Variants in ALCAM observed in about 807,000 individuals in gnomAD.
ALCAM encodes the protein activated leukocyte cell adhesion molecule, also known as CD166 antigen.
Under a neutral mutation model 70.9 loss-of-function variants are expected in ALCAM, and 30 were observed. The observed-to-expected ratio is 0.42, with a 90% CI of 0.32 to 0.57. ALCAM has a LOEUF of 0.57. ALCAM is among the 20% of genes least tolerant of loss of function. The probability of loss-of-function intolerance (pLI) is 0.11; values close to 1 mark genes in which losing one functional copy is unlikely to be tolerated. For missense variants in ALCAM, 591 were observed against 695.1 expected, an observed-to-expected ratio of 0.85 and a Z score of 1.68; for synonymous variants, 249 against 242.5, an observed-to-expected ratio of 1.03 and a Z score of -0.25.
intron 1 of ALCAM, among the ~76,000 whole-genome samples, chr3:105,511,471 G>T (rs535021708): frequency 2.0e-5 from 3 of 152,052 alleles, no homozygotes; most frequent in Admixed American, 2.0e-4. Context: ...ATAGTAAGCT[G>T]ACTTCAGTTC....
intron 1 of ALCAM, among the ~76,000 whole-genome samples, chr3:105,377,533 A>G (rs773381999): frequency 4.6e-5 from 7 of 152,076 alleles, no homozygotes; most frequent in Non-Finnish European, 8.8e-5. Flanking sequence ...CAGTATCATA[A>G]GTTGGTTTTC....
At chr3:105,567,174 T>C (rs1335104611) in intron 14 of ALCAM, among the ~76,000 whole-genome samples, 2 of 152,220 alleles carry the variant, frequency 1.3e-5, no homozygotes, top group Admixed American at 6.5e-5. Context: ...CAAACATTTC[T>C]TTTTATATTT....
intron 1 of ALCAM, among the ~76,000 whole-genome samples, chr3:105,417,943 C>CT (rs78382547): frequency 0.15 from 22,198 of 149,850 alleles, 1,716 homozygotes; most frequent in Middle Eastern, 0.19. Flanking sequence ...AATGAATATT[C>CT]TTTTTTTTTG....
At chr3:105,402,938 C>CTTTTTTTTTTTTTTTTTTTTTTTTTT (rs58126212) in intron 1 of ALCAM, among the ~76,000 whole-genome samples, 1 of 117,254 alleles carries the variant, frequency 8.5e-6, no homozygotes, top group Non-Finnish European at 1.8e-5. Flanking sequence ...AGCTGATGCG[C>CTTTTTTTTTTTTTTTTTTTTTTTTTT]TTTTTTTTTT....
intron 1 of ALCAM, among the ~76,000 whole-genome samples, chr3:105,434,443 ATC>A (rs1010603239): frequency 2.6e-4 from 39 of 152,186 alleles, no homozygotes; most frequent in African/African-American, 8.9e-4. Context: ...CTTTGCTAAC[ATC>A]TGTTTCTTTT....
chr3:105,417,077 T>A (rs1936523954), intron 1 of ALCAM, among the ~76,000 whole-genome samples: 1 of 151,950 alleles, frequency 6.6e-6, no homozygotes, highest in Non-Finnish European at 1.5e-5. Flanking sequence ...ATCACCTTTG[T>A]ACTCAAGCTT....
At position 105,520,177 on chromosome 3, in the gene ALCAM, A is replaced by G. The variant is rs755143469; in HGVS notation, c.174+10A>G. 6.3e-7 allele frequency: 1 copy of G among 1,580,262 alleles called. No homozygotes were observed. Among genetic ancestry groups the G allele is most frequent in the South Asian group, 1.1e-5 (1 of 90,122 alleles). Reference sequence around the variant, plus strand: ...TGGCAAATGGAAATATGTAAGTGTGACCTACCTGGGACTTGGTTAATTGCC... The same window carrying G: ...TGGCAAATGGAAATATGTAAGTGTGGCCTACCTGGGACTTGGTTAATTGCC... On this transcript the variant is annotated intron_variant, in intron 2 of 15. Coordinates refer to ENST00000306107, the MANE Select transcript of ALCAM (RefSeq NM_001627.4).
intron 14 of ALCAM, among the ~76,000 whole-genome samples, chr3:105,562,778 C>A (rs973653042): frequency 4.6e-5 from 7 of 152,088 alleles, no homozygotes; most frequent in Non-Finnish European, 1.0e-4. Context: ...TGCTTCAAAA[C>A]AAAATGTAAA....
chr3:105,458,339 C>T (rs1937561382), intron 1 of ALCAM, among the ~76,000 whole-genome samples: 1 of 152,154 alleles, frequency 6.6e-6, no homozygotes, highest in Non-Finnish European at 1.5e-5. Flanking sequence ...ACTTTCCTGT[C>T]AATGGAACTG....
At chr3:105,502,005 CATTGAAA>C (rs2152616393) in intron 1 of ALCAM, among the ~76,000 whole-genome samples, 1 of 152,284 alleles carries the variant, frequency 6.6e-6, no homozygotes, top group East Asian at 1.9e-4. Flanking sequence ...CTAAAATATT[CATTGAAA>C]ACTCCAACAG....
Position 105,393,058 on chromosome 3 carries a change from T to A in ALCAM, c.73+25577T>A, listed in dbSNP as rs375756004. Among the ~76,000 whole-genome samples the A allele has an allele frequency of 1.3e-4, 19 of 151,994 alleles. No individual in the cohort carries two copies. The East Asian group carries it at 2.7e-3, about 22-fold the overall frequency. Reference sequence around the variant, plus strand: ...TTATAGTTCCTATGAAACTTTAGGATAACAGTTGTGCTCATTTTTATGTGT... The same window carrying A: ...TTATAGTTCCTATGAAACTTTAGGAAAACAGTTGTGCTCATTTTTATGTGT... On this transcript the variant is annotated intron_variant, in intron 1 of 15. Transcript: ENST00000306107.
intron 1 of ALCAM, among the ~76,000 whole-genome samples, chr3:105,411,751 A>G (rs1231291768): frequency 6.6e-6 from 1 of 152,060 alleles, no homozygotes; most frequent in African/African-American, 2.4e-5. Context: ...TCCAGCCTAA[A>G]AGACAACAGA....
intron 1 of ALCAM, among the ~76,000 whole-genome samples, chr3:105,457,946 C>T (rs190287887): frequency 6.6e-6 from 1 of 152,260 alleles, no homozygotes; most frequent in Non-Finnish European, 1.5e-5. Flanking sequence ...TTACCTTTCT[C>T]CTCCATAGTG....
At chr3:105,375,583 C>T (rs1226063115) in intron 1 of ALCAM, among the ~76,000 whole-genome samples, 1 of 152,166 alleles carries the variant, frequency 6.6e-6, no homozygotes, top group Non-Finnish European at 1.5e-5. Flanking sequence ...AAATTGACCT[C>T]AGATGCCAAG....
intron 1 of ALCAM, among the ~76,000 whole-genome samples, chr3:105,486,542 A>G (rs186829052): frequency 1.3e-5 from 2 of 152,296 alleles, no homozygotes; most frequent in Admixed American, 1.3e-4. Flanking sequence ...CCATATTAGA[A>G]GGAATTAGCT....
At position 105,536,588 on chromosome 3, in the gene ALCAM, A is replaced by T. The variant is rs966536300; in HGVS notation, c.730+1743A>T. 7.9e-5 allele frequency among the ~76,000 whole-genome samples: 12 copies of T among 152,240 alleles called. No individual in the cohort carries two copies. The South Asian group carries it at 2.5e-3, about 32-fold the overall frequency. On this transcript the variant is annotated intron_variant, in intron 6 of 15. Transcript: ENST00000306107. ...GAAGTTCTTGAATGGATACGAAGAAAATGATTTTATCATGCTGGCTGTGTA... is the reference window on the plus strand; with the variant it reads ...GAAGTTCTTGAATGGATACGAAGAATATGATTTTATCATGCTGGCTGTGTA...
chr3:105,472,210 A>G (rs1205026761), intron 1 of ALCAM, among the ~76,000 whole-genome samples: 2 of 151,046 alleles, frequency 1.3e-5, no homozygotes, highest in Admixed American at 1.3e-4. Flanking sequence ...TTGTTTTTTT[A>G]GGCAGTGCTA....
chr3:105,486,016 G>C (rs770791477), intron 1 of ALCAM, among the ~76,000 whole-genome samples: 2 of 152,008 alleles, frequency 1.3e-5, no homozygotes, highest in Non-Finnish European at 2.9e-5. Flanking sequence ...TTTCTTCATA[G>C]AAAGTTATTG....
chr3:105,502,464 CG>C (rs1938947788), intron 1 of ALCAM, among the ~76,000 whole-genome samples: 2 of 152,146 alleles, frequency 1.3e-5, no homozygotes, highest in Admixed American at 1.3e-4. Flanking sequence ...TTCCCAGAGC[CG>C]GGGCATTTGA....
Sources: allele counts gnomAD v4.1 joint callset (sites outside exome capture counted in the v4.1 genomes callset), GRCh38; gene constraint gnomAD v4.1.1; transcripts MANE v1.5; gene names NCBI Gene and HGNC (gene_info 2026-07-23, HGNC 2026-07-21).